TEX9: variants seen among roughly 807,000 people sequenced by gnomAD.
The protein encoded by TEX9 is testis expressed 9, also known as testis-expressed protein 9.
TEX9 carries 74 observed loss-of-function variants against 59.6 expected under a neutral mutation model. The observed-to-expected ratio is 1.24, with a 90% CI of 1.03 to 1.51. The LOEUF (loss-of-function observed/expected upper bound fraction) is 1.51. TEX9 is among the 40% of genes most tolerant of loss of function. The probability of loss-of-function intolerance (pLI) is 0.00; values close to 1 mark genes in which losing one functional copy is unlikely to be tolerated. For missense variants in TEX9, 522 were observed against 447.8 expected, an observed-to-expected ratio of 1.17 and a Z score of -1.49; for synonymous variants, 186 against 152.2, an observed-to-expected ratio of 1.22 and a Z score of -1.64.
At chr15:56,413,607 T>G in intron 10 of TEX9, among the ~76,000 whole-genome samples, 1 of 151,580 alleles carries the variant, frequency 6.6e-6, no homozygotes, top group East Asian at 1.9e-4. Flanking sequence ...CTCTATAAAT[T>G]TGACTGCTCT....
chr15:56,346,090 A>G (rs2046464588), intron 1 of TEX9, among the ~76,000 whole-genome samples: 1 of 152,208 alleles, frequency 6.6e-6, no homozygotes, highest in Non-Finnish European at 1.5e-5. Flanking sequence ...CTTGCTTCTC[A>G]TAGAGTTTAA....
At chr15:56,253,552 A>G (rs1161934797) in intron 1 of TEX9, among the ~76,000 whole-genome samples, 5 of 152,092 alleles carry the variant, frequency 3.3e-5, no homozygotes, top group African/African-American at 4.8e-5. Flanking sequence ...ACCCCAAATA[A>G]TATTAGAGAT....
At chr15:56,325,965 C>T (rs968566174) in intron 1 of TEX9, among the ~76,000 whole-genome samples, 3 of 152,156 alleles carry the variant, frequency 2.0e-5, no homozygotes, top group Non-Finnish European at 4.4e-5. Context: ...AACATACGGT[C>T]CCCAATTATT....
chr15:56,277,576 G>A (rs765740708), intron 1 of TEX9, among the ~76,000 whole-genome samples: 1 of 152,216 alleles, frequency 6.6e-6, no homozygotes, highest in Non-Finnish European at 1.5e-5. Flanking sequence ...GGTTACTGTA[G>A]CCTTACAGTT....
At chr15:56,427,866 ACATATGAAAT>A (rs1324189506) in intron 11 of TEX9, 127 bp downstream of exon 11, 14 of 678,818 alleles carry the variant, frequency 2.1e-5, no homozygotes, top group African/African-American at 9.5e-5. Context: ...AATGCATCAT[ACATATGAAAT>A]CATATGAAAT....
At chr15:56,319,571 A>G (rs2045857333) in intron 1 of TEX9, among the ~76,000 whole-genome samples, 1 of 152,034 alleles carries the variant, frequency 6.6e-6, no homozygotes, top group African/African-American at 2.4e-5. Context: ...TTGCATGTTG[A>G]TTTCAGTTTT....
At chr15:56,391,804 A>T (rs891701828) in intron 7 of TEX9, among the ~76,000 whole-genome samples, 3 of 152,128 alleles carry the variant, frequency 2.0e-5, no homozygotes, top group African/African-American at 4.8e-5. Flanking sequence ...GAATTTTTTC[A>T]TTTACTGTTA....
chr15:56,288,627 A>G (rs1306135952), intron 1 of TEX9, among the ~76,000 whole-genome samples: 1 of 130,784 alleles, frequency 7.6e-6, no homozygotes, highest in East Asian at 2.2e-4. Flanking sequence ...GAAATCCCTT[A>G]TATACAATTT....
chr15:56,319,625 CT>C (rs1404510573), intron 1 of TEX9, among the ~76,000 whole-genome samples: 1 of 151,988 alleles, frequency 6.6e-6, no homozygotes, highest in Non-Finnish European at 1.5e-5. Flanking sequence ...ATTTCTCTTT[CT>C]CAAAATCCAA....
chr15:56,387,707 T>C (rs2048023340), intron 4 of TEX9, among the ~76,000 whole-genome samples: 1 of 151,930 alleles, frequency 6.6e-6, no homozygotes, highest in African/African-American at 2.4e-5. Context: ...GGCAAACTTT[T>C]TCTGTAAAGG....
intron 1 of TEX9, among the ~76,000 whole-genome samples, chr15:56,272,716 TG>T (rs2044566416): frequency 6.6e-6 from 1 of 152,214 alleles, no homozygotes; most frequent in Non-Finnish European, 1.5e-5. Flanking sequence ...TGCACCATTT[TG>T]TTTTCCCAAT....
intron 1 of TEX9, among the ~76,000 whole-genome samples, chr15:56,319,196 C>T (rs2045848036): frequency 6.6e-6 from 1 of 151,948 alleles, no homozygotes; most frequent in Non-Finnish European, 1.5e-5. Flanking sequence ...GGACCAACCC[C>T]TCTGTGATGG....
At chr15:56,405,164 C>T (rs1422175855) in intron 9 of TEX9, among the ~76,000 whole-genome samples, 1 of 151,730 alleles carries the variant, frequency 6.6e-6, no homozygotes, top group Non-Finnish European at 1.5e-5. Flanking sequence ...AAAAGCCGGG[C>T]GTGGTGGTGG....
chr15:56,443,114 C>G (rs928901376), intron 12 of TEX9, among the ~76,000 whole-genome samples: 2 of 152,112 alleles, frequency 1.3e-5, no homozygotes, highest in Non-Finnish European at 2.9e-5. Flanking sequence ...GTAGCAACTC[C>G]AACCTACTTT....
At chr15:56,269,947 C>T (rs553728084) in intron 1 of TEX9, among the ~76,000 whole-genome samples, 2 of 152,198 alleles carry the variant, frequency 1.3e-5, no homozygotes, top group South Asian at 2.1e-4. Context: ...TGAGCCACCG[C>T]GCCCGGCCCT....
chr15:56,345,017 T>A (rs1192156039), intron 1 of TEX9, among the ~76,000 whole-genome samples: 1 of 143,906 alleles, frequency 6.9e-6, no homozygotes, highest in Non-Finnish European at 1.5e-5. Context: ...TTACTAGTTT[T>A]TCTATCTATC....
chr15:56,356,464 A>C (rs772000204), intron 1 of TEX9, among the ~76,000 whole-genome samples: 9 of 152,056 alleles, frequency 5.9e-5, no homozygotes, highest in Non-Finnish European at 1.3e-4. Flanking sequence ...CTGGTGTTTC[A>C]AAATACTCCA....
At chr15:56,355,998 C>T (rs998197723) in intron 1 of TEX9, among the ~76,000 whole-genome samples, 11 of 152,056 alleles carry the variant, frequency 7.2e-5, no homozygotes, top group Middle Eastern at 3.4e-3. Flanking sequence ...GACCTCGCAT[C>T]CTAAAACTTT....
At chr15:56,265,856 A>G (rs1466644845) in intron 1 of TEX9, among the ~76,000 whole-genome samples, 1 of 152,046 alleles carries the variant, frequency 6.6e-6, no homozygotes, top group African/African-American at 2.4e-5. Context: ...AAGGTGGTTG[A>G]TGGTATTGTT....
Sources: gnomAD v4.1 joint callset for allele counts (sites outside exome capture counted in the v4.1 genomes callset) on GRCh38, gnomAD v4.1.1 for gene constraint, MANE v1.5 for transcripts, NCBI Gene and HGNC (gene_info 2026-07-23, HGNC 2026-07-21) for gene names.